Variants in PTPN12 observed in about 807,000 individuals in gnomAD.
PTPN12 encodes protein tyrosine phosphatase non-receptor type 12.
In PTPN12, 29 loss-of-function variants were observed where a neutral mutation model predicts 97.6. The observed-to-expected ratio is 0.30, with a 90% confidence interval of 0.22 to 0.41. The LOEUF is 0.41. Among genes scored for constraint, PTPN12 ranks in the 10% least tolerant of loss-of-function variants. PTPN12 has a pLI of 1.00. For synonymous variants in PTPN12, 327 were observed against 300.4 expected, an observed-to-expected ratio of 1.09 and a Z score of -0.91; for missense variants, 819 against 926.0, an observed-to-expected ratio of 0.88 and a Z score of 1.50.
At chr7:77,555,426 G>C (rs2151303740) in intron 1 of PTPN12, among the ~76,000 whole-genome samples, 1 of 152,030 alleles carries the variant, frequency 6.6e-6, no homozygotes, top group South Asian at 2.1e-4. Flanking sequence ...ATCTCTTGTA[G>C]TTGTCCCCAC....
chr7:77,591,910 G>C (rs1406926125), intron 5 of PTPN12, among the ~76,000 whole-genome samples: 1 of 152,124 alleles, frequency 6.6e-6, no homozygotes, highest in Non-Finnish European at 1.5e-5. Flanking sequence ...GTCTAGAGGA[G>C]GATCTTTGGT....
At chr7:77,569,302 T>G (rs986429666) in intron 1 of PTPN12, among the ~76,000 whole-genome samples, 1 of 152,226 alleles carries the variant, frequency 6.6e-6, no homozygotes, top group African/African-American at 2.4e-5. Flanking sequence ...CACTATTGTT[T>G]CCTGCTTTTT....
chr7:77,578,149 C>G (rs945529514), intron 2 of PTPN12, among the ~76,000 whole-genome samples: 2 of 152,114 alleles, frequency 1.3e-5, no homozygotes, highest in African/African-American at 4.8e-5. Flanking sequence ...AGTGGTAAAC[C>G]AGCTATTGTA....
intron 8 of PTPN12, among the ~76,000 whole-genome samples, chr7:77,601,706 A>G (rs1788193048): frequency 6.6e-6 from 1 of 152,134 alleles, no homozygotes; most frequent in African/African-American, 2.4e-5. Flanking sequence ...TTGAGATGAA[A>G]AAGTGTGTTT....
intron 7 of PTPN12, among the ~76,000 whole-genome samples, chr7:77,598,119 C>T (rs1002706015): frequency 3.9e-5 from 6 of 152,076 alleles, no homozygotes; most frequent in African/African-American, 1.2e-4. Context: ...CCCACTCACT[C>T]AGAAGGCTGA....
chr7:77,611,859 T>C (rs1444647537), intron 11 of PTPN12, among the ~76,000 whole-genome samples: 1 of 152,240 alleles, frequency 6.6e-6, no homozygotes, highest in Admixed American at 6.5e-5. Context: ...TACTGGATAT[T>C]CAACTTCTAG....
At chr7:77,632,242 A>C (rs1789423496) in intron 13 of PTPN12, 106 bp from the exon 14 acceptor site, 1 of 854,660 alleles carries the variant, frequency 1.2e-6, no homozygotes, top group African/African-American at 1.7e-5. Flanking sequence ...ATTTTTAAAA[A>C]CTGATCTAGA....
chr7:77,590,794 C>T (rs1362413862), intron 5 of PTPN12, among the ~76,000 whole-genome samples: 2 of 151,494 alleles, frequency 1.3e-5, no homozygotes, highest in South Asian at 4.1e-4. Context: ...GAACTCCTTG[C>T]CTTAAGTCAT....
intron 6 of PTPN12, among the ~76,000 whole-genome samples, chr7:77,596,865 A>G (rs1447707545): frequency 3.3e-5 from 5 of 152,218 alleles, no homozygotes; most frequent in African/African-American, 9.6e-5. Context: ...TCACAAACCT[A>G]CATTGACAAG....
At chr7:77,570,030 C>T (rs1808408529) in intron 1 of PTPN12, among the ~76,000 whole-genome samples, 1 of 152,136 alleles carries the variant, frequency 6.6e-6, no homozygotes, top group Non-Finnish European at 1.5e-5. Context: ...ATTTGGAGAA[C>T]TCTATTACCA....
At chr7:77,619,121 T>C (rs983273386) in intron 12 of PTPN12, among the ~76,000 whole-genome samples, 1 of 152,196 alleles carries the variant, frequency 6.6e-6, no homozygotes, top group African/African-American at 2.4e-5. Flanking sequence ...TCAACTCCTT[T>C]TTAGCCATTT....
intron 12 of PTPN12, among the ~76,000 whole-genome samples, chr7:77,626,237 A>G (rs1438456722): frequency 2.0e-5 from 3 of 152,228 alleles, no homozygotes; most frequent in Non-Finnish European, 4.4e-5. Context: ...AAAAGATACG[A>G]AATCATGGTG....
chr7:77,574,746 C>G (rs1787284262), intron 2 of PTPN12, among the ~76,000 whole-genome samples: 1 of 152,170 alleles, frequency 6.6e-6, no homozygotes, highest in Non-Finnish European at 1.5e-5. Context: ...GTGCAGTAAT[C>G]AGATTGACAG....
chr7:77,560,905 G>T lies in PTPN12; in HGVS notation c.100-10173G>T, dbSNP rs535074003. Among the ~76,000 whole-genome samples, 3 of 151,822 alleles carry T rather than the reference G, an allele frequency of 2.0e-5. No individual in the cohort carries two copies. The East Asian group carries it at 5.8e-4, about 30-fold the overall frequency. On this transcript the variant is annotated intron_variant, in intron 1 of 17. Transcript: ENST00000248594. The stretch of plus-strand genomic sequence containing the variant: ...GAGACCCTGCTTTCCGTTCTTTGGG[G>T]TATATACCCAAAAATGGAATTGCTG...
intron 4 of PTPN12, among the ~76,000 whole-genome samples, chr7:77,584,604 G>T (rs1361347815): frequency 2.0e-5 from 3 of 152,180 alleles, no homozygotes; most frequent in African/African-American, 4.8e-5. Flanking sequence ...TTGGCCGCGT[G>T]GGGTGGCTCA....
rs57287489 is a variant in PTPN12 at position 77,592,855 on chromosome 7, A to G, written c.492+599A>G. Among the ~76,000 whole-genome samples the G allele has an allele frequency of 6.6e-3, 999 of 152,320 alleles. 11 individuals carry two copies. Among genetic ancestry groups the G allele is most frequent in the African/African-American group, 0.019 (775 of 41,576 alleles). The stretch of plus-strand genomic sequence containing the variant: ...AATAAAAAAATGAAAACAGTGAAGG[A>G]AATAGGAGTAGGAAAAAGAAAGGCA... On this transcript the variant is annotated intron_variant, in intron 6 of 17. Transcript: ENST00000248594.
Position 77,571,199 on chromosome 7 carries a change from T to A in PTPN12, c.208+13T>A. On this transcript the variant is annotated intron_variant, in intron 2 of 17. Coordinates refer to ENST00000248594, the MANE Select transcript of PTPN12 (RefSeq NM_002835.4). ...GACATACTGCCATGTAAGTTGGAAA[T>A]GCCCTTGATAAAATACATAGAAATG... The A allele has an allele frequency of 6.7e-7, 1 of 1,500,760 alleles. No homozygotes were observed. The highest frequency in any genetic ancestry group is 9.2e-7 in the Non-Finnish European group (1 of 1,092,608). 93.0% of individuals were successfully genotyped at this position (1,500,760 alleles called of 1,614,324 possible). A position where few individuals can be genotyped will look rare whatever the true frequency, so the allele number is the denominator to read the frequency against.
chr7:77,627,281 A>G lies in PTPN12; in HGVS notation c.1602A>G (p.Val534=). The change falls in exon 13 of 18, where the codon GTA becomes GTG. Residue 534 remains valine, a synonymous_variant. Coordinates refer to ENST00000248594, the MANE Select transcript of PTPN12 (RefSeq NM_002835.4). Reference sequence around the variant, plus strand: ...TGCCTCTTGATGAGAAAGGACATGTAACGTGGTCATTTCATGGACCTGAAA... The same window carrying G: ...TGCCTCTTGATGAGAAAGGACATGTGACGTGGTCATTTCATGGACCTGAAA... The part of the protein sequence containing the change: ...DRLPLDEKGH[V]TWSFHGPENA... 6.2e-7 allele frequency: 1 copy of G among 1,614,182 alleles called. No homozygotes were observed.
At chr7:77,609,875 C>A (rs1456954380) in intron 9 of PTPN12, among the ~76,000 whole-genome samples, 1 of 146,266 alleles carries the variant, frequency 6.8e-6, no homozygotes, top group Non-Finnish European at 1.5e-5. Flanking sequence ...AGCGAGACTC[C>A]GTCTCAAAAA....
Sources: allele counts gnomAD v4.1 joint callset (sites outside exome capture counted in the v4.1 genomes callset), GRCh38; gene constraint gnomAD v4.1.1; transcripts MANE v1.5; gene names NCBI Gene and HGNC (gene_info 2026-07-23, HGNC 2026-07-21).